SRBD1: variants seen among roughly 807,000 people sequenced by gnomAD.
SRBD1 encodes S1 RNA binding domain 1.
A neutral mutation model predicts 115.3 loss-of-function variants in SRBD1; 88 were observed. The ratio of observed to expected loss-of-function variants is 0.76; its 90% CI spans 0.64 to 0.91. The LOEUF (loss-of-function observed/expected upper bound fraction) is 0.91, where lower values mean the gene tolerates loss of function less well. Ranked by LOEUF, SRBD1 falls within the 40% of genes least tolerant of loss-of-function variation. The pLI is 0.00. For missense variants in SRBD1, 1,385 were observed against 1,177.4 expected (o/e 1.18, Z -2.58); for synonymous variants, 509 against 407.7 (o/e 1.25, Z -2.99).
chr2:45,581,664 T>C (rs1196134986), intron 6 of SRBD1, 29 bp downstream of exon 6: 2 of 1,558,032 alleles, frequency 1.3e-6, no homozygotes, highest in African/African-American at 2.7e-5. Context: ...ATTCAGGTAT[T>C]ACATTAAAAG....
intron 7 of SRBD1, among the ~76,000 whole-genome samples, chr2:45,578,216 G>A (rs142565135): frequency 6.6e-6 from 1 of 152,162 alleles, no homozygotes; most frequent in African/African-American, 2.4e-5. Context: ...CATTCTGAAA[G>A]TTTCAACATT....
chr2:45,593,245 A>G (rs557112002), intron 4 of SRBD1, among the ~76,000 whole-genome samples: 1 of 152,276 alleles, frequency 6.6e-6, no homozygotes, highest in South Asian at 2.1e-4. Context: ...AAGGTACTTT[A>G]TTGTTCCCAT....
chr2:45,554,694 A>C (rs1332893414), intron 10 of SRBD1, among the ~76,000 whole-genome samples: 1 of 152,200 alleles, frequency 6.6e-6, no homozygotes, highest in Non-Finnish European at 1.5e-5. Context: ...TATAAAATTA[A>C]TCAGGAAAGA....
At chr2:45,426,439 C>T (rs1668157911) in intron 16 of SRBD1, among the ~76,000 whole-genome samples, 1 of 152,216 alleles carries the variant, frequency 6.6e-6, no homozygotes. Flanking sequence ...CAGACTTAAA[C>T]GTTCTTGCCT....
At chr2:45,466,795 G>A (rs1213795954) in intron 16 of SRBD1, among the ~76,000 whole-genome samples, 1 of 152,154 alleles carries the variant, frequency 6.6e-6, no homozygotes, top group African/African-American at 2.4e-5. Context: ...ACTGCAATGT[G>A]CATTCAAAAC....
chr2:45,470,971 T>C (rs1464196876), intron 16 of SRBD1, among the ~76,000 whole-genome samples: 1 of 151,746 alleles, frequency 6.6e-6, no homozygotes, highest in Non-Finnish European at 1.5e-5. Flanking sequence ...CTTCTATTAT[T>C]TCATCTATTT....
chr2:45,558,685 ATTTTTTTTT>A (rs1214807980), intron 10 of SRBD1, among the ~76,000 whole-genome samples: 2 of 89,530 alleles, frequency 2.2e-5, no homozygotes, highest in African/African-American at 4.6e-5. Flanking sequence ...CCACACAATT[ATTTTTTTTT>A]TTTTTTTTTT....
intron 14 of SRBD1, among the ~76,000 whole-genome samples, chr2:45,512,091 T>C (rs1330845700): frequency 6.6e-6 from 1 of 152,208 alleles, no homozygotes; most frequent in East Asian, 1.9e-4. Context: ...AATACACATC[T>C]TTTATGCAAA....
intron 16 of SRBD1, among the ~76,000 whole-genome samples, chr2:45,424,888 G>C (rs913123678): frequency 6.6e-6 from 1 of 152,118 alleles, no homozygotes; most frequent in African/African-American, 2.4e-5. Flanking sequence ...GAGTGAGAGA[G>C]AACTAGCCTT....
intron 16 of SRBD1, among the ~76,000 whole-genome samples, chr2:45,466,063 G>A (rs1669477654): frequency 6.6e-6 from 1 of 152,174 alleles, no homozygotes; most frequent in Admixed American, 6.5e-5. Flanking sequence ...AGTGGAAACA[G>A]CCTACCCTCA....
intron 16 of SRBD1, among the ~76,000 whole-genome samples, chr2:45,426,094 C>T (rs1465983179): frequency 6.6e-6 from 1 of 152,208 alleles, no homozygotes; most frequent in African/African-American, 2.4e-5. Context: ...AGCTAAGATC[C>T]ACTGGATTGA....
chr2:45,426,688 A>G (rs1668165291), intron 16 of SRBD1, among the ~76,000 whole-genome samples: 1 of 152,160 alleles, frequency 6.6e-6, no homozygotes, highest in Non-Finnish European at 1.5e-5. Flanking sequence ...TGCAGCCTCC[A>G]CTGGTGATAC....
intron 16 of SRBD1, among the ~76,000 whole-genome samples, chr2:45,423,148 T>C (rs1668055524): frequency 6.6e-6 from 1 of 152,200 alleles, no homozygotes; most frequent in African/African-American, 2.4e-5. Flanking sequence ...TTGGTAATGA[T>C]ATTCTTGTAG....
At chr2:45,406,198 G>C (rs1667432340) in intron 19 of SRBD1, among the ~76,000 whole-genome samples, 1 of 152,140 alleles carries the variant, frequency 6.6e-6, no homozygotes, top group Non-Finnish European at 1.5e-5. Context: ...CCTGGCAGAA[G>C]TCAGGGTGGG....
At chr2:45,469,819 T>C (rs983814159) in intron 16 of SRBD1, among the ~76,000 whole-genome samples, 25 of 152,308 alleles carry the variant, frequency 1.6e-4, no homozygotes, top group African/African-American at 5.8e-4. Context: ...CAAGGCTAAG[T>C]CTGAATTTCA....
intron 19 of SRBD1, among the ~76,000 whole-genome samples, chr2:45,400,632 C>T (rs999543767): frequency 2.0e-5 from 3 of 151,908 alleles, no homozygotes; most frequent in Non-Finnish European, 2.9e-5. Flanking sequence ...TCCAACTACC[C>T]CCATTTCTTT....
chr2:45,488,115 T>C, intron 15 of SRBD1, 125 bp downstream of exon 15: 3 of 735,208 alleles, frequency 4.1e-6, no homozygotes, highest in Middle Eastern at 6.7e-4. Context: ...CTTTCTAATA[T>C]GCCAATTCTT....
Position 45,562,579 on chromosome 2 carries a change from T to A in SRBD1, c.1409+74A>T, listed in dbSNP as rs1051151884. ...TTCACGTAATAGACATCTTTACATA[T>A]CAGTACATATAGATATCGGTATCAT... On this transcript the variant is annotated intron_variant, in intron 10 of 20. Coordinates refer to ENST00000263736, the MANE Select transcript of SRBD1 (RefSeq NM_018079.5). 3.9e-5 allele frequency: 45 copies of A among 1,166,972 alleles called. No individual in the cohort carries two copies. In the East Asian group the frequency reaches 1.2e-3, roughly 30 times the overall value. The allele number at this position is 1,166,972 out of a possible 1,614,324, so 72.3% of individuals were successfully genotyped here.
At chr2:45,469,976 T>C (rs1293229794) in intron 16 of SRBD1, among the ~76,000 whole-genome samples, 1 of 152,236 alleles carries the variant, frequency 6.6e-6, no homozygotes, top group Non-Finnish European at 1.5e-5. Flanking sequence ...TGTTTCACCT[T>C]TGTGTTTTCT....
Sources: allele counts gnomAD v4.1 joint callset (sites outside exome capture counted in the v4.1 genomes callset), GRCh38; gene constraint gnomAD v4.1.1; transcripts MANE v1.5; gene names NCBI Gene and HGNC (gene_info 2026-07-23, HGNC 2026-07-21).